HP1BP3: variants seen among roughly 807,000 people sequenced by gnomAD.
The protein encoded by HP1BP3 is heterochromatin protein 1-binding protein 3.
Under a neutral mutation model 62.5 loss-of-function variants are expected in HP1BP3, and 12 were observed. The ratio of observed to expected loss-of-function variants is 0.19; its 90% CI spans 0.12 to 0.31. The LOEUF (loss-of-function observed/expected upper bound fraction) is 0.31, where lower values mean the gene tolerates loss of function less well. HP1BP3 is among the 10% of genes least tolerant of loss of function. The pLI is 1.00. For missense variants in HP1BP3, 502 were observed against 651.8 expected (o/e 0.77, Z 2.50); for synonymous variants, 260 against 237.8 (o/e 1.09, Z -0.86).
chr1:20,753,591 C>CTACAAAATTAT (rs2055914683), intron 9 of HP1BP3, among the ~76,000 whole-genome samples: 1 of 152,150 alleles, frequency 6.6e-6, no homozygotes, highest in Admixed American at 6.5e-5. Flanking sequence ...ACCAATGTAT[C>CTACAAAATTAT]GTGCTACAAA....
rs750600684 is a variant in HP1BP3, at chr1:20,744,820, T to C, written c.1639A>G (p.Lys547Glu). 1 of 1,609,384 alleles carries C rather than the reference T, an allele frequency of 6.2e-7. No homozygotes were observed. The highest frequency in any genetic ancestry group is 1.7e-5 in the Admixed American group (1 of 58,986). ...ATTTACTTTTTCACTCTGAAAGACT[T>C]CTTCATGGTGGATTTGCCCTTGCCC... ...LPGKGKSTMK[K>E]SFRVKK is the part of the protein sequence containing the mutation. The change falls in exon 13 of 13, where the codon AAG becomes GAG. Residue 547 changes from lysine to glutamate, a missense_variant. Transcript: ENST00000438032.
At position 20,776,648 on chromosome 1, in the gene HP1BP3, G is replaced by C; in HGVS notation, c.299C>G (p.Pro100Arg). The C allele has an allele frequency of 1.9e-6, 3 of 1,613,704 alleles. No homozygotes were observed. The highest frequency in any genetic ancestry group is 2.5e-6 in the Non-Finnish European group (3 of 1,179,810). Residue 100 changes from proline (P) to arginine (R), a missense_variant, in exon 4 of 13, where the codon CCT (proline) becomes CGT (arginine). Pro to Arg is a moderately radical substitution (Grantham distance 103). This residue lies in a region of HP1BP3 where 165 missense variants were observed against 156.4 expected (regional missense o/e 1.05). Transcript: ENST00000438032. Reference protein sequence around the residue: ...SSEAEQPKGEPENEEKEENKS... With the variant: ...SSEAEQPKGERENEEKEENKS... ...ATTTTCTTCCTTCTCTTCATTCTCAGGTTCCCCCTTTGGCTGCTCTGCCTC... is the reference window on the plus strand; with the variant it reads ...ATTTTCTTCCTTCTCTTCATTCTCACGTTCCCCCTTTGGCTGCTCTGCCTC...
In HP1BP3 at chr1:20,773,556, G is replaced by C; in HGVS notation, c.405C>G (p.Ser135=). 3 of 1,610,992 alleles carry C rather than the reference G, an allele frequency of 1.9e-6. No homozygotes were observed. Among genetic ancestry groups the C allele is most frequent in the Non-Finnish European group, 2.5e-6 (3 of 1,178,242 alleles). The change falls in exon 5 of 13, where the codon TCC becomes TCG. Residue 135 remains serine (S), a synonymous_variant. Transcript: ENST00000438032. ...GCTGGCTGGCAGAAAGGGTAGCCCA[G>C]GAAGGAATTGTTTTTTTCACTTTCT... ...KEKKVKKTIP[S]WATLSASQLA...
intron 9 of HP1BP3, among the ~76,000 whole-genome samples, chr1:20,755,792 G>GA (rs1196157551): frequency 1.3e-5 from 2 of 152,120 alleles, no homozygotes; most frequent in Non-Finnish European, 2.9e-5. Context: ...TCCATAGAAT[G>GA]AAATACTATT....
intron 6 of HP1BP3, among the ~76,000 whole-genome samples, chr1:20,769,337 C>A (rs1274589686): frequency 6.6e-6 from 1 of 152,056 alleles, no homozygotes; most frequent in East Asian, 1.9e-4. Context: ...GTGGGTGAAT[C>A]ACTTGGGCCC....
At position 20,740,407 on chromosome 1, in the gene HP1BP3, A is replaced by G. The variant is rs930188570; in HGVS notation, c.*4390T>C. On this transcript the variant is annotated 3_prime_UTR_variant, in exon 13 of 13. Coordinates refer to ENST00000438032, the MANE Select transcript of HP1BP3 (RefSeq NM_001372052.1). ...CTCCTTTGACATACCAGTGGTTGACAAGACAGAATTAAGAACAGTTAAAAC... is the reference window on the plus strand; with the variant it reads ...CTCCTTTGACATACCAGTGGTTGACGAGACAGAATTAAGAACAGTTAAAAC... Among the ~76,000 whole-genome samples the G allele has an allele frequency of 6.6e-6, 1 of 152,240 alleles. No individual in the cohort carries two copies. Among genetic ancestry groups the G allele is most frequent in the African/African-American group, 2.4e-5 (1 of 41,464 alleles).
intron 8 of HP1BP3, 113 bp from the exon 9 acceptor site, chr1:20,757,369 AT>A: frequency 5.0e-6 from 2 of 400,552 alleles, no homozygotes; most frequent in Non-Finnish European, 7.7e-6. Context: ...TATTATTATT[AT>A]TATTTTTTTT....
chr1:20,752,187 G>A (rs564530943), intron 9 of HP1BP3, among the ~76,000 whole-genome samples: 17 of 151,996 alleles, frequency 1.1e-4, no homozygotes, highest in African/African-American at 3.4e-4. Flanking sequence ...GCTTGAACCC[G>A]GGAGGTGGAG....
chr1:20,745,571 CAG>C lies in HP1BP3; in HGVS notation c.1337_1338del (p.Ser446Ter), dbSNP rs1280407684. On this transcript the variant is annotated frameshift_variant, in exon 12 of 13. Transcript: ENST00000438032. LOFTEE classifies it high-confidence loss of function. ...CTCTTAGGTGGCGGCTCTTCATCCT[CAG>C]AGTCTTCTTCTGATGACTCATCTTC... ...EDEDESSEED[S>X]EDEEPPPKRR... is the part of the protein sequence containing the mutation. 1.2e-6 allele frequency: 2 copies of C among 1,613,984 alleles called. No individual in the cohort carries two copies. Among genetic ancestry groups the C allele is most frequent in the Non-Finnish European group, 1.7e-6 (2 of 1,179,836 alleles).
rs1258889836 is a variant in HP1BP3, at chr1:20,740,824, T to A, written c.*3973A>T. Among the ~76,000 whole-genome samples, 1 of 152,180 alleles carries A rather than the reference T, an allele frequency of 6.6e-6. No homozygotes were observed. Among genetic ancestry groups the A allele is most frequent in the Non-Finnish European group, 1.5e-5 (1 of 68,008 alleles). ...CACAGCAAACTCCATCTCAAAAAAA[T>A]AATAAGTAAAAGAATATAGTTATAA... On this transcript the variant is annotated 3_prime_UTR_variant, in exon 13 of 13. Transcript: ENST00000438032.
intron 8 of HP1BP3, among the ~76,000 whole-genome samples, chr1:20,759,792 G>C (rs2056351771): frequency 1.3e-5 from 2 of 152,024 alleles, no homozygotes; most frequent in South Asian, 2.1e-4. Context: ...CAACACAAAG[G>C]CTCTGAGACC....
Position 20,780,478 on chromosome 1 carries a change from T to C in HP1BP3, c.-38A>G. 4 of 1,390,938 alleles carry C rather than the reference T, an allele frequency of 2.9e-6. No homozygotes were observed. Among genetic ancestry groups the C allele is most frequent in the Non-Finnish European group, 4.1e-6 (4 of 976,954 alleles). 86.2% of individuals were successfully genotyped at this position (1,390,938 alleles called of 1,614,324 possible). ...CTAGGCCCGAGTACAGGTTACACTC[T>C]GAAGCCTCTGCTGTTAACCACAAGG... On this transcript the variant is annotated 5_prime_UTR_variant, in exon 2 of 13. Coordinates refer to ENST00000438032, the MANE Select transcript of HP1BP3 (RefSeq NM_001372052.1).
rs986913802 is a variant in HP1BP3, at chr1:20,740,909, C to T, written c.*3888G>A. Among the ~76,000 whole-genome samples, 1 of 152,096 alleles carries T rather than the reference C, an allele frequency of 6.6e-6. No homozygotes were observed. The highest frequency in any genetic ancestry group is 2.4e-5 in the African/African-American group (1 of 41,406). On this transcript the variant is annotated 3_prime_UTR_variant, in exon 13 of 13. Coordinates refer to ENST00000438032, the MANE Select transcript of HP1BP3 (RefSeq NM_001372052.1). ...CAGCTGATTAGGGGTACTGTTTAAC[C>T]ATCTGTAATGGCTTCTAAACAAATC...
At chr1:20,773,381 A>G (rs2057149249) in intron 5 of HP1BP3, 70 bp downstream of exon 5, 1 of 1,366,222 alleles carries the variant, frequency 7.3e-7, no homozygotes, top group African/African-American at 1.5e-5. Context: ...AGACAGATAT[A>G]TGCCATTTTC....
intron 1 of HP1BP3, chr1:20,786,817 T>C (rs991313085): frequency 6.6e-6 from 1 of 152,342 alleles, no homozygotes; most frequent in African/African-American, 2.4e-5. Flanking sequence ...CCTCGGAGCA[T>C]GCGCAGCCCT....
intron 9 of HP1BP3, chr1:20,755,311 T>C (rs907735520): frequency 2.2e-6 from 1 of 445,036 alleles, no homozygotes; most frequent in African/African-American, 2.0e-5. Flanking sequence ...ATCACACCTG[T>C]AATTCCAACA....
chr1:20,744,996 C>T lies in HP1BP3; in HGVS notation c.1463G>A (p.Arg488Gln), dbSNP rs775148669. ...KPAPKVSAAQ[R>Q]GKARPLPKKA... ...CTTAGGCAAGGGCCTAGCTTTCCCC[C>T]GCTGGGCAGCTGAGACTTTAGGTGC... Residue 488 changes from arginine to glutamine, a missense_variant, in exon 13 of 13, where the codon CGG (arginine) becomes CAG (glutamine). Coordinates refer to ENST00000438032, the MANE Select transcript of HP1BP3 (RefSeq NM_001372052.1). 24 of 1,614,062 alleles carry T rather than the reference C, an allele frequency of 1.5e-5. No homozygotes were observed. Among genetic ancestry groups the T allele is most frequent in the East Asian group, 4.5e-5 (2 of 44,888 alleles).
chr1:20,751,415 G>T (rs146393255), intron 9 of HP1BP3, among the ~76,000 whole-genome samples: 1 of 152,028 alleles, frequency 6.6e-6, no homozygotes, highest in East Asian at 1.9e-4. Flanking sequence ...AAATAGCAGT[G>T]AAAAATTTTG....
At chr1:20,758,659 T>C (rs2056276913) in intron 8 of HP1BP3, among the ~76,000 whole-genome samples, 1 of 150,828 alleles carries the variant, frequency 6.6e-6, no homozygotes, top group East Asian at 2.0e-4. Context: ...TTTTTTTTTT[T>C]TTCTGAGAGA....
Sources: gnomAD v4.1 joint callset for allele counts (sites outside exome capture counted in the v4.1 genomes callset) on GRCh38, gnomAD v4.1.1 for gene constraint, gnomAD v4.1.1 regional missense constraint, MANE v1.5 for transcripts, NCBI Gene and HGNC (gene_info 2026-07-23, HGNC 2026-07-21) for gene names.